Variants in KIAA1217 observed in about 807,000 individuals in gnomAD.
KIAA1217 encodes KIAA1217, also known as sickle tail protein homolog.
A neutral mutation model predicts 163.9 loss-of-function variants in KIAA1217; 88 were observed. The ratio of observed to expected loss-of-function variants is 0.54; its 90% CI spans 0.45 to 0.64. The LOEUF (loss-of-function observed/expected upper bound fraction) is 0.64. Ranked by LOEUF, KIAA1217 falls within the 30% of genes least tolerant of loss-of-function variation. KIAA1217 has a pLI of 0.00. For synonymous variants in KIAA1217, 903 were observed against 923.1 expected (o/e 0.98, Z 0.39); for missense variants, 2,372 against 2,475.0 (o/e 0.96, Z 0.88).
At chr10:24,103,183 T>C (rs1302995937) in intron 2 of KIAA1217, among the ~76,000 whole-genome samples, 1 of 152,104 alleles carries the variant, frequency 6.6e-6, no homozygotes, top group African/African-American at 2.4e-5. Context: ...CTTTTTAAAA[T>C]AGGGTACTGG....
At chr10:24,176,031 A>G (rs1441420911) in intron 2 of KIAA1217, among the ~76,000 whole-genome samples, 2 of 152,290 alleles carry the variant, frequency 1.3e-5, no homozygotes, top group African/African-American at 4.8e-5. Context: ...GGCTCTGGCA[A>G]CCTGCTTTTA....
chr10:23,991,814 CAGAT>C, intron 1 of KIAA1217, among the ~76,000 whole-genome samples: 1 of 152,086 alleles, frequency 6.6e-6, no homozygotes, highest in Admixed American at 6.5e-5. Flanking sequence ...ATCCCAGTGT[CAGAT>C]AGGAAAATAA....
chr10:24,288,046 A>C (rs1338630108), intron 2 of KIAA1217, among the ~76,000 whole-genome samples: 1 of 152,188 alleles, frequency 6.6e-6, no homozygotes, highest in East Asian at 1.9e-4. Context: ...GTTGAAACTT[A>C]GCCAGCCTTT....
At chr10:24,095,221 T>A (rs2062106947) in intron 2 of KIAA1217, among the ~76,000 whole-genome samples, 1 of 152,184 alleles carries the variant, frequency 6.6e-6, no homozygotes, top group Admixed American at 6.5e-5. Context: ...CTTCTGCTCG[T>A]GCACGGGTGC....
chr10:24,429,912 G>A (rs1395152876), intron 3 of KIAA1217, among the ~76,000 whole-genome samples: 3 of 152,132 alleles, frequency 2.0e-5, no homozygotes, highest in Non-Finnish European at 4.4e-5. Context: ...GGAGTCCGAG[G>A]TGGTCAGATC....
intron 6 of KIAA1217, among the ~76,000 whole-genome samples, chr10:24,474,376 A>T (rs2133093559): frequency 6.6e-6 from 1 of 152,332 alleles, no homozygotes; most frequent in Non-Finnish European, 1.5e-5. Context: ...TTTGGAAGAA[A>T]ATTGTCATTA....
chr10:24,540,809 G>C (rs951578492), intron 17 of KIAA1217, among the ~76,000 whole-genome samples: 1 of 151,970 alleles, frequency 6.6e-6, no homozygotes, highest in Non-Finnish European at 1.5e-5. Flanking sequence ...TCTGTCGCCC[G>C]GGAGGCTGGA....
intron 1 of KIAA1217, among the ~76,000 whole-genome samples, chr10:23,892,188 A>G (rs2131217254): frequency 6.6e-6 from 1 of 152,100 alleles, no homozygotes; most frequent in African/African-American, 2.4e-5. Context: ...ATTAATCAAA[A>G]TTAAAAGAAG....
At chr10:23,745,828 G>A (rs572553445) in intron 1 of KIAA1217, among the ~76,000 whole-genome samples, 2 of 152,260 alleles carry the variant, frequency 1.3e-5, no homozygotes, top group African/African-American at 4.8e-5. Flanking sequence ...TCAGCAGTGG[G>A]TGCAAATACA....
At chr10:23,982,365 C>T (rs939045581) in intron 1 of KIAA1217, among the ~76,000 whole-genome samples, 1 of 152,032 alleles carries the variant, frequency 6.6e-6, no homozygotes, top group African/African-American at 2.4e-5. Context: ...TGTGTTTTTC[C>T]CCGATGATTC....
At chr10:23,870,642 A>T (rs1206513136) in intron 1 of KIAA1217, among the ~76,000 whole-genome samples, 1 of 152,110 alleles carries the variant, frequency 6.6e-6, no homozygotes, top group Non-Finnish European at 1.5e-5. Context: ...CCTAATTCTC[A>T]TAACAACGCA....
intron 1 of KIAA1217, among the ~76,000 whole-genome samples, chr10:23,854,020 C>A (rs1354495935): frequency 6.6e-6 from 1 of 151,934 alleles, no homozygotes; most frequent in Non-Finnish European, 1.5e-5. Context: ...TCCTTCAGTT[C>A]TGCTCTGATT....
chr10:24,402,931 G>C (rs902378159), intron 3 of KIAA1217, among the ~76,000 whole-genome samples: 1 of 152,188 alleles, frequency 6.6e-6, no homozygotes, highest in Non-Finnish European at 1.5e-5. Context: ...AGGAGTTGGA[G>C]ACCAGCCTGG....
chr10:24,274,314 A>G (rs2132035146), intron 2 of KIAA1217, among the ~76,000 whole-genome samples: 1 of 152,148 alleles, frequency 6.6e-6, no homozygotes, highest in South Asian at 2.1e-4. Context: ...CCTCCCAAGT[A>G]ACTAGAACTA....
intron 1 of KIAA1217, among the ~76,000 whole-genome samples, chr10:23,925,577 A>C (rs1431963141): frequency 6.6e-6 from 1 of 152,216 alleles, no homozygotes; most frequent in East Asian, 1.9e-4. Flanking sequence ...AGCTTAACAA[A>C]GTTCACTTTT....
At chr10:24,506,446 G>T (rs2068372836) in intron 9 of KIAA1217, among the ~76,000 whole-genome samples, 1 of 152,154 alleles carries the variant, frequency 6.6e-6, no homozygotes, top group Non-Finnish European at 1.5e-5. Flanking sequence ...AAGTGATTTG[G>T]ATAACTTATT....
chr10:23,777,030 A>G (rs1192254837), intron 1 of KIAA1217, among the ~76,000 whole-genome samples: 1 of 152,148 alleles, frequency 6.6e-6, no homozygotes, highest in African/African-American at 2.4e-5. Context: ...GTGTTTTCCA[A>G]AATTTCTCTC....
intron 2 of KIAA1217, among the ~76,000 whole-genome samples, chr10:24,063,027 T>C (rs2060792936): frequency 6.6e-6 from 1 of 152,128 alleles, no homozygotes; most frequent in African/African-American, 2.4e-5. Flanking sequence ...TCACTGTAGA[T>C]TCTGGATATT....
At chr10:24,418,677 TA>T (rs943409299) in intron 3 of KIAA1217, among the ~76,000 whole-genome samples, 1 of 152,198 alleles carries the variant, frequency 6.6e-6, no homozygotes, top group African/African-American at 2.4e-5. Flanking sequence ...CTAAATCTGC[TA>T]ATCACTGTAA....
Sources: allele counts gnomAD v4.1 joint callset (sites outside exome capture counted in the v4.1 genomes callset), GRCh38; gene constraint gnomAD v4.1.1; transcripts MANE v1.5; gene names NCBI Gene and HGNC (gene_info 2026-07-23, HGNC 2026-07-21).